Variants in SPTA1 observed in about 807,000 individuals in gnomAD.
SPTA1 encodes the protein spectrin alpha chain, erythrocytic 1.
A neutral mutation model predicts 324.7 loss-of-function variants in SPTA1; 177 were observed. The observed-to-expected ratio is 0.55, with a 90% CI of 0.48 to 0.62. SPTA1 has a LOEUF of 0.62. Among genes scored for constraint, SPTA1 ranks in the 20% least tolerant of loss-of-function variants. The pLI is 0.00. For missense variants in SPTA1, 3,162 were observed against 2,883.6 expected (o/e 1.10, Z -2.21); for synonymous variants, 1,195 against 1,041.3 (o/e 1.15, Z -2.84).
chr1:158,633,661 GAAAA>G (rs1036389907), intron 39 of SPTA1, among the ~76,000 whole-genome samples: 2 of 61,228 alleles, frequency 3.3e-5, no homozygotes, highest in African/African-American at 1.0e-4. Context: ...ACTCTGTCTC[GAAAA>G]AAAAAAAAAA....
Position 158,642,457 on chromosome 1 carries a change from G to C in SPTA1, c.4691C>G (p.Ser1564Cys). Residue 1564 changes from serine (S) to cysteine (C), a missense_variant, in exon 33 of 52, where the codon TCC becomes TGC. By Grantham distance (112) the Ser-to-Cys change is moderately radical (BLOSUM62 -1). Transcript: ENST00000643759. The part of the protein sequence containing the change: ...QVHGVINLGN[S>C]LIECSACDGN... ...ATCACAAGCGCTACACTCAATCAGGGAGTTCCCCAGGTTGATGACGCCATG... is the reference window on the plus strand; with the variant it reads ...ATCACAAGCGCTACACTCAATCAGGCAGTTCCCCAGGTTGATGACGCCATG... 1 of 1,613,634 alleles carries C rather than the reference G, an allele frequency of 6.2e-7. No individual in the cohort carries two copies. The highest frequency in any genetic ancestry group is 8.5e-7 in the Non-Finnish European group (1 of 1,179,724).
intron 33 of SPTA1, among the ~76,000 whole-genome samples, chr1:158,641,878 C>G (rs1476481526): frequency 6.6e-6 from 1 of 152,158 alleles, no homozygotes; most frequent in Non-Finnish European, 1.5e-5. Context: ...TATTGCGGCA[C>G]TATTCACAAT....
At chr1:158,651,909 C>CTCTCTCTGTG (rs972758420) in intron 23 of SPTA1, among the ~76,000 whole-genome samples, 2 of 145,024 alleles carry the variant, frequency 1.4e-5, no homozygotes, top group African/African-American at 5.1e-5. Context: ...CTCTCTCTCT[C>CTCTCTCTGTG]TGTGTGTGTG....
Position 158,611,381 on chromosome 1 carries a change from G to T in SPTA1, c.7143C>A (p.Thr2381=). 6.2e-7 allele frequency: 1 copy of T among 1,613,562 alleles called. No individual in the cohort carries two copies. Among genetic ancestry groups the T allele is most frequent in the Non-Finnish European group, 8.5e-7 (1 of 1,179,652 alleles). The change falls in exon 52 of 52, where the codon ACC becomes ACA. Residue 2381 remains threonine, a synonymous_variant. Coordinates refer to ENST00000643759, the MANE Select transcript of SPTA1 (RefSeq NM_003126.4). The part of the protein sequence containing the change: ...ITKEDMKQAL[T]PEQVSFCATH... ...TGGCACAGAATGACACTTGCTCTGG[G>T]GTAAGGGCCTGAAAAGTATAAAAAG...
chr1:158,626,316 A>T (rs1650264804), intron 41 of SPTA1, 94 bp from the exon 42 acceptor site: 3 of 1,174,056 alleles, frequency 2.6e-6, no homozygotes, highest in African/African-American at 1.5e-5. Context: ...ACAACAAGAA[A>T]GCTTCTTGAC....
At chr1:158,646,173 C>A (rs1651985360) in intron 27 of SPTA1, among the ~76,000 whole-genome samples, 1 of 152,082 alleles carries the variant, frequency 6.6e-6, no homozygotes, top group Admixed American at 6.6e-5. Context: ...ATTTCCCTAC[C>A]CTTTTAGTAG....
chr1:158,685,318 C>A lies in SPTA1; in HGVS notation c.54G>T (p.Leu18Phe). The change falls in exon 2 of 52, where the codon TTG becomes TTT. Residue 18 changes from leucine to phenylalanine, a missense_variant. Leu to Phe is a conservative substitution (Grantham distance 22). Coordinates refer to ENST00000643759, the MANE Select transcript of SPTA1 (RefSeq NM_003126.4). ...TCTCCTGGATCTCTTCTGCTGTTTC[C>A]AAAACCTTTGGCCCACTGCTCTCCA... ...TVVESSGPKV[L>F]ETAEEIQERR... 6.2e-7 allele frequency: 1 copy of A among 1,613,636 alleles called. No individual in the cohort carries two copies. Among genetic ancestry groups the A allele is most frequent in the East Asian group, 2.2e-5 (1 of 44,870 alleles).
rs763996678 is a variant in SPTA1, at chr1:158,639,715, T to C, written c.4876-29A>G. On this transcript the variant is annotated intron_variant, in intron 34 of 51. Transcript: ENST00000643759. ...GAAATAGAGAAATAAGCAATAAAGCTGCCAGGTGAAACTGCCTTTAAGGAG... is the reference window on the plus strand; with the variant it reads ...GAAATAGAGAAATAAGCAATAAAGCCGCCAGGTGAAACTGCCTTTAAGGAG... 5.6e-6 allele frequency: 9 copies of C among 1,613,260 alleles called. No homozygotes were observed. The South Asian group carries it at 9.9e-5, about 18-fold the overall frequency.
intron 2 of SPTA1, 55 bp from the exon 3 acceptor site, chr1:158,683,551 T>A: frequency 1.2e-6 from 2 of 1,608,758 alleles, no homozygotes; most frequent in Non-Finnish European, 1.7e-6. Flanking sequence ...TCATGGGAAA[T>A]GTTCACTCTA....
Position 158,615,258 on chromosome 1 carries a change from C to T in SPTA1, c.6746G>A (p.Gly2249Glu). The change falls in exon 48 of 52, where the codon GGG becomes GAG. Residue 2249 changes from glycine (G) to glutamate (E), a missense_variant. Coordinates refer to ENST00000643759, the MANE Select transcript of SPTA1 (RefSeq NM_003126.4). ...CTCCAGGTTGTGTTGCATCCGCAAC[C>T]CAAGCTGGTAGAGCTGGTCCCACTG... Reference protein sequence around the residue: ...AQQWDQLYQLGLRMQHNLEQQ... With the variant: ...AQQWDQLYQLELRMQHNLEQQ... 2 of 1,613,768 alleles carry T rather than the reference C, an allele frequency of 1.2e-6. No homozygotes were observed. Among genetic ancestry groups the T allele is most frequent in the Non-Finnish European group, 1.7e-6 (2 of 1,180,006 alleles).
At position 158,652,447 on chromosome 1, in the gene SPTA1, A is replaced by G. The variant is rs200496371; in HGVS notation, c.3375+20T>C. 2 of 1,612,178 alleles carry G rather than the reference A, an allele frequency of 1.2e-6. No individual in the cohort carries two copies. Among genetic ancestry groups the G allele is most frequent in the Non-Finnish European group, 1.7e-6 (2 of 1,178,296 alleles). On this transcript the variant is annotated intron_variant, in intron 23 of 51. Transcript: ENST00000643759. ...AAAGCAAACAATGGCAACCTTCAAG[A>G]GAAGGTTCCTCTTTCTCACCTTTTG...
chr1:158,631,747 A>C (rs1405247201), intron 39 of SPTA1, among the ~76,000 whole-genome samples: 5 of 152,158 alleles, frequency 3.3e-5, no homozygotes, highest in Non-Finnish European at 4.4e-5. Flanking sequence ...CCATAATGAG[A>C]TATCACTTCA....
At chr1:158,618,549 T>C (rs959515404) in intron 45 of SPTA1, among the ~76,000 whole-genome samples, 3 of 152,212 alleles carry the variant, frequency 2.0e-5, no homozygotes, top group Admixed American at 6.5e-5. Flanking sequence ...TATTCTAATA[T>C]ATTACATCTT....
At chr1:158,668,190 A>G in intron 14 of SPTA1, 128 bp from the exon 15 acceptor site, 2 of 1,036,842 alleles carry the variant, frequency 1.9e-6, no homozygotes, top group South Asian at 2.8e-5. Context: ...AAAAGGGGGA[A>G]GTTTCCTAGT....
Position 158,643,400 on chromosome 1 carries a change from T to A in SPTA1, c.4364A>T (p.His1455Leu). Residue 1455 changes from histidine (H) to leucine (L), a missense_variant, in exon 31 of 52, where the codon CAT becomes CTT. Physicochemically the swap from His to Leu is moderately conservative, Grantham distance 99. Coordinates refer to ENST00000643759, the MANE Select transcript of SPTA1 (RefSeq NM_003126.4). ...AQEGKITDLE[H>L]FAESLIADEH... is the part of the protein sequence containing the mutation. Reference sequence around the variant, plus strand: ...ATCAGCAATGAGGCTCTCAGCAAAATGTTCTAGGTCAGTGATCTTCCCTTC... The same window carrying A: ...ATCAGCAATGAGGCTCTCAGCAAAAAGTTCTAGGTCAGTGATCTTCCCTTC... 6.2e-7 allele frequency: 1 copy of A among 1,613,774 alleles called. No individual in the cohort carries two copies. Among genetic ancestry groups the A allele is most frequent in the South Asian group, 1.1e-5 (1 of 91,082 alleles).
chr1:158,661,558 G>T, intron 17 of SPTA1, 149 bp from the exon 18 acceptor site: 1 of 1,003,160 alleles, frequency 1.0e-6, no homozygotes, highest in Non-Finnish European at 1.5e-6. Flanking sequence ...TCATCTGTCT[G>T]ATTTCACTCT....
At chr1:158,618,136 C>A in intron 45 of SPTA1, 80 bp from the exon 46 acceptor site, 5 of 1,370,020 alleles carry the variant, frequency 3.6e-6, no homozygotes, top group Non-Finnish European at 5.2e-6. Context: ...TTAAAGATCT[C>A]ATTTCCTCAG....
At chr1:158,637,891 T>C (rs1651203117) in intron 36 of SPTA1, 142 bp downstream of exon 36, 1 of 1,045,322 alleles carries the variant, frequency 9.6e-7, no homozygotes, top group Non-Finnish European at 1.5e-6. Flanking sequence ...AAACCAATGT[T>C]AACCTTAAGC....
chr1:158,633,608 C>T (rs1650838741), intron 39 of SPTA1, among the ~76,000 whole-genome samples: 3 of 148,756 alleles, frequency 2.0e-5, no homozygotes, highest in African/African-American at 7.5e-5. Context: ...TTGCAGTGAG[C>T]CAAGATCACT....
Sources: allele counts gnomAD v4.1 joint callset (sites outside exome capture counted in the v4.1 genomes callset), GRCh38; gene constraint gnomAD v4.1.1; transcripts MANE v1.5; gene names NCBI Gene and HGNC (gene_info 2026-07-23, HGNC 2026-07-21).